The following DOCK9 variants were observed in gnomAD, a reference collection of about 807,000 sequenced individuals.
The protein encoded by DOCK9 is dedicator of cytokinesis 9, also known as dedicator of cytokinesis protein 9.
DOCK9 carries 89 observed loss-of-function variants against 263.3 expected under a neutral mutation model. The observed-to-expected ratio is 0.34, with a 90% confidence interval of 0.28 to 0.40. The LOEUF (loss-of-function observed/expected upper bound fraction) is 0.40. DOCK9 is among the 10% of genes least tolerant of loss of function. The pLI is 1.00. For synonymous variants in DOCK9, 976 were observed against 973.1 expected, an observed-to-expected ratio of 1.00 and a Z score of -0.06; for missense variants, 2,140 against 2,603.4, an observed-to-expected ratio of 0.82 and a Z score of 3.87.
chr13:99,015,651 A>T, intron 1 of DOCK9: 3 of 1,542,474 alleles, frequency 1.9e-6, no homozygotes, highest in Non-Finnish European at 2.6e-6. Context: ...TCTCTACTCC[A>T]TTTCCACATC....
intron 27 of DOCK9, among the ~76,000 whole-genome samples, chr13:98,874,174 G>T (rs2094264577): frequency 6.6e-6 from 1 of 152,194 alleles, no homozygotes; most frequent in Admixed American, 6.5e-5. Flanking sequence ...GGCAACCACG[G>T]GGCTGCTCTG....
chr13:98,834,981 T>C (rs1809053230), intron 39 of DOCK9, among the ~76,000 whole-genome samples: 1 of 152,222 alleles, frequency 6.6e-6, no homozygotes, highest in Non-Finnish European at 1.5e-5. Flanking sequence ...AATTTCCTAA[T>C]TTCTCCCAGC....
intron 1 of DOCK9, among the ~76,000 whole-genome samples, chr13:99,072,621 C>A (rs964769504): frequency 6.6e-6 from 1 of 152,160 alleles, no homozygotes; most frequent in East Asian, 1.9e-4. Flanking sequence ...TACCCACTAA[C>A]CCTGAGGCTT....
At chr13:99,031,790 T>C (rs1595945618) in intron 1 of DOCK9, among the ~76,000 whole-genome samples, 2 of 152,358 alleles carry the variant, frequency 1.3e-5, no homozygotes, top group East Asian at 3.9e-4. Context: ...TTCCACCTTC[T>C]TCCATGGAAG....
chr13:99,068,241 C>T (rs1445201763), intron 1 of DOCK9, among the ~76,000 whole-genome samples: 1 of 152,220 alleles, frequency 6.6e-6, no homozygotes, highest in East Asian at 1.9e-4. Context: ...TGTCAGGAAT[C>T]TCCGCCTCTC....
chr13:98,921,594 G>T (rs1316889584), intron 6 of DOCK9, among the ~76,000 whole-genome samples: 2 of 152,100 alleles, frequency 1.3e-5, no homozygotes, highest in African/African-American at 2.4e-5. Context: ...CTCCTGAATA[G>T]CTTCTTCTAT....
intron 9 of DOCK9, among the ~76,000 whole-genome samples, chr13:98,907,838 G>A (rs2049362243): frequency 1.3e-5 from 2 of 152,176 alleles, no homozygotes. Context: ...CTTTGCCCCA[G>A]AGTCAGGAAA....
chr13:99,026,635 A>C (rs998611849), intron 1 of DOCK9, among the ~76,000 whole-genome samples: 2 of 152,204 alleles, frequency 1.3e-5, no homozygotes, highest in African/African-American at 4.8e-5. Context: ...ATTCATTCAA[A>C]GAAATTTATT....
At chr13:98,884,914 T>C (rs2045436846) in intron 21 of DOCK9, 57 bp downstream of exon 21, 3 of 1,548,678 alleles carry the variant, frequency 1.9e-6, no homozygotes, top group Admixed American at 1.9e-5. Flanking sequence ...TTGTTTTAGT[T>C]GTTCTTTAAT....
intron 1 of DOCK9, chr13:99,015,722 C>T (rs911742354): frequency 6.4e-6 from 9 of 1,417,110 alleles, no homozygotes; most frequent in East Asian, 2.5e-5. Flanking sequence ...AAGCAGTCAC[C>T]GGTACTGGAA....
intron 1 of DOCK9, among the ~76,000 whole-genome samples, chr13:99,013,468 C>T (rs1342198890): frequency 6.6e-6 from 1 of 152,196 alleles, no homozygotes; most frequent in Non-Finnish European, 1.5e-5. Flanking sequence ...ACACATACTA[C>T]TAATTACTAT....
intron 9 of DOCK9, among the ~76,000 whole-genome samples, chr13:98,910,047 T>C (rs2049764085): frequency 6.6e-6 from 1 of 152,224 alleles, no homozygotes; most frequent in Admixed American, 6.5e-5. Flanking sequence ...TTGGATGCTA[T>C]TCTTTGAGTA....
chr13:99,086,185 C>T, intron 1 of DOCK9: 1 of 1,464,672 alleles, frequency 6.8e-7, no homozygotes, highest in South Asian at 1.3e-5. Flanking sequence ...CCTGCGCCCC[C>T]GCCATCCTCC....
At chr13:99,035,441 C>A (rs1939375080) in intron 1 of DOCK9, among the ~76,000 whole-genome samples, 2 of 152,168 alleles carry the variant, frequency 1.3e-5, no homozygotes, top group South Asian at 4.1e-4. Context: ...GGATTGGGTT[C>A]CAGTTAATGG....
chr13:98,968,912 T>A (rs1471812835), intron 1 of DOCK9, among the ~76,000 whole-genome samples: 2 of 152,246 alleles, frequency 1.3e-5, no homozygotes, highest in South Asian at 2.1e-4. Flanking sequence ...GGAAGAGCCA[T>A]CTTCTCTGCC....
chr13:98,886,616 A>G lies in DOCK9; in HGVS notation c.2052T>C (p.Tyr684=). 6.2e-7 allele frequency: 1 copy of G among 1,613,842 alleles called. No individual in the cohort carries two copies. The highest frequency in any genetic ancestry group is 1.1e-5 in the South Asian group (1 of 91,056). ...TGAAAACTGGCCCACCAGGTCTGCC[A>G]TAAATGCACTAAAATAAGAGTTACC... The part of the protein sequence containing the change: ...EEDSQPLKCI[Y]GRPGGPVFTR... The change falls in exon 19 of 53, where the codon TAT becomes TAC. Residue 684 remains tyrosine, a synonymous_variant. Transcript: ENST00000682017.
intron 37 of DOCK9, chr13:98,847,748 T>C (rs2093432561): frequency 6.6e-6 from 1 of 152,196 alleles, no homozygotes; most frequent in African/African-American, 2.4e-5. Context: ...TCTTAAAACA[T>C]GTTTACTTAT....
At chr13:99,075,767 G>A (rs1471381400) in intron 1 of DOCK9, among the ~76,000 whole-genome samples, 1 of 151,570 alleles carries the variant, frequency 6.6e-6, no homozygotes, top group Non-Finnish European at 1.5e-5. Flanking sequence ...ACTTTGTTAA[G>A]ACACAATGTT....
At chr13:98,814,423 G>C (rs1027753171) in intron 45 of DOCK9, among the ~76,000 whole-genome samples, 2 of 51,430 alleles carry the variant, frequency 3.9e-5, no homozygotes, top group African/African-American at 6.7e-5. Context: ...TTTTTTTTTT[G>C]AGACAAGAGT....
Sources: gnomAD v4.1 joint callset for allele counts (sites outside exome capture counted in the v4.1 genomes callset) on GRCh38, gnomAD v4.1.1 for gene constraint, MANE v1.5 for transcripts, NCBI Gene and HGNC (gene_info 2026-07-23, HGNC 2026-07-21) for gene names.